The following TPRG1 variants were observed in gnomAD, a reference collection of about 807,000 sequenced individuals.
TPRG1 encodes the protein tumor protein p63-regulated gene 1 protein.
TPRG1 carries 29 observed loss-of-function variants against 29.3 expected under a neutral mutation model. The observed-to-expected ratio is 0.99, with a 90% confidence interval of 0.74 to 1.35. The LOEUF is 1.35. TPRG1 is among the 40% of genes most tolerant of loss of function. The pLI is 0.00. For missense variants in TPRG1, 327 were observed against 335.0 expected (o/e 0.98, Z 0.19); for synonymous variants, 130 against 116.8 (o/e 1.11, Z -0.73).
At chr3:189,178,480 C>T (rs964489129) in intron 1 of TPRG1, among the ~76,000 whole-genome samples, 1 of 152,206 alleles carries the variant, frequency 6.6e-6, no homozygotes, top group Non-Finnish European at 1.5e-5. Flanking sequence ...GATCACGCCA[C>T]TGCACTCCAG....
chr3:189,157,579 T>C (rs1726861101), intron 5 of TPRG1, among the ~76,000 whole-genome samples: 1 of 152,190 alleles, frequency 6.6e-6, no homozygotes. Context: ...GTTTGCCTAA[T>C]GATGCTTTTG....
At chr3:189,143,724 T>TGAAAACA (rs1317108414) in intron 3 of TPRG1, among the ~76,000 whole-genome samples, 4 of 152,200 alleles carry the variant, frequency 2.6e-5, no homozygotes, top group Admixed American at 2.6e-4. Context: ...GACACTGATT[T>TGAAAACA]CATAACATGT....
intron 4 of TPRG1, among the ~76,000 whole-genome samples, chr3:189,241,726 C>T (rs1740631770): frequency 6.6e-6 from 1 of 152,050 alleles, no homozygotes; most frequent in Admixed American, 6.6e-5. Flanking sequence ...CTTTCCAGTG[C>T]TATTCTTGTG....
At chr3:189,033,369 C>T (rs1714050718) in intron 4 of TPRG1, among the ~76,000 whole-genome samples, 1 of 151,822 alleles carries the variant, frequency 6.6e-6, no homozygotes, top group South Asian at 2.1e-4. Context: ...GCAACTTCTG[C>T]CTCTCAGGCT....
At chr3:189,298,067 T>C (rs1218209950) in intron 4 of TPRG1, among the ~76,000 whole-genome samples, 1 of 152,182 alleles carries the variant, frequency 6.6e-6, no homozygotes, top group Non-Finnish European at 1.5e-5. Flanking sequence ...AAAGCAATAT[T>C]ATTGCAACAC....
chr3:189,283,029 T>A (rs1231186891), intron 4 of TPRG1, among the ~76,000 whole-genome samples: 1 of 152,214 alleles, frequency 6.6e-6, no homozygotes, highest in Non-Finnish European at 1.5e-5. Flanking sequence ...GTTCTTTTTT[T>A]ATTATCATTA....
At chr3:189,204,974 CACAT>C (rs1271515628) in intron 1 of TPRG1, among the ~76,000 whole-genome samples, 9 of 151,532 alleles carry the variant, frequency 5.9e-5, no homozygotes, top group African/African-American at 1.9e-4. Context: ...CACACACACA[CACAT>C]ACACTCTTTC....
intron 4 of TPRG1, among the ~76,000 whole-genome samples, chr3:189,273,130 A>G (rs1046438529): frequency 4.6e-5 from 7 of 152,178 alleles, no homozygotes; most frequent in Non-Finnish European, 8.8e-5. Flanking sequence ...CTCCTCTTGA[A>G]GCTGTCACTT....
In TPRG1 at chr3:189,324,678, A is replaced by G. The variant is rs2108511817; in HGVS notation, c.*3858A>G. On this transcript the variant is annotated 3_prime_UTR_variant, in exon 6 of 6. Transcript: ENST00000345063. Reference sequence around the variant, plus strand: ...GAGAGGGGGAGGGCAAAGGTATTAAATTTAGGCTTAAAAGCTCCTCAGAAA... The same window carrying G: ...GAGAGGGGGAGGGCAAAGGTATTAAGTTTAGGCTTAAAAGCTCCTCAGAAA... 6.6e-6 allele frequency: 1 copy of G among 152,304 alleles called. No individual in the cohort carries two copies. The highest frequency in any genetic ancestry group is 3.4e-3 in the Middle Eastern group (1 of 294). 9.4% of individuals were successfully genotyped at this position (152,304 alleles called of 1,614,324 possible).
chr3:189,273,775 A>G (rs559495446), intron 4 of TPRG1, among the ~76,000 whole-genome samples: 31 of 151,958 alleles, frequency 2.0e-4, no homozygotes, highest in African/African-American at 6.0e-4. Context: ...GTCTCACTCT[A>G]CCCCTCTTCC....
chr3:189,017,977 C>T lies in TPRG1; in HGVS notation c.-659-5773C>T, dbSNP rs1346540332. Among the ~76,000 whole-genome samples the T allele has an allele frequency of 4.0e-5, 6 of 150,930 alleles. No homozygotes were observed. The South Asian group carries it at 1.3e-3, about 32-fold the overall frequency. On this transcript the variant is annotated intron_variant, in intron 3 of 10. Coordinates refer to the TPRG1 transcript ENST00000433971. Reference sequence around the variant, plus strand: ...GTTTTGATTTGCATTTCTCTGATGGCCAGTGATGGTGAGCATTTTTTCATG... The same window carrying T: ...GTTTTGATTTGCATTTCTCTGATGGTCAGTGATGGTGAGCATTTTTTCATG...
At chr3:189,255,487 T>A (rs1054596573) in intron 4 of TPRG1, among the ~76,000 whole-genome samples, 2 of 152,220 alleles carry the variant, frequency 1.3e-5, no homozygotes, top group Non-Finnish European at 2.9e-5. Context: ...AAATTTTCTT[T>A]TTTTCTTGTG....
chr3:189,009,471 C>A (rs898794487), intron 3 of TPRG1, among the ~76,000 whole-genome samples: 2 of 152,054 alleles, frequency 1.3e-5, no homozygotes, highest in Non-Finnish European at 2.9e-5. Context: ...TTAAGGAGGG[C>A]CTGCGAAATT....
At chr3:189,059,968 T>C (rs902225451) in intron 4 of TPRG1, among the ~76,000 whole-genome samples, 1 of 152,126 alleles carries the variant, frequency 6.6e-6, no homozygotes, top group Admixed American at 6.5e-5. Context: ...TGTGGTGGCT[T>C]ACGCCTGTAA....
At chr3:189,225,003 C>T (rs564249247) in intron 3 of TPRG1, among the ~76,000 whole-genome samples, 125 of 150,476 alleles carry the variant, frequency 8.3e-4, no homozygotes, top group African/African-American at 3.0e-3. Context: ...GTGATCTCAG[C>T]TCACTGCAAG....
chr3:189,072,897 G>A (rs567723135), intron 4 of TPRG1, among the ~76,000 whole-genome samples: 2 of 151,852 alleles, frequency 1.3e-5, no homozygotes, highest in African/African-American at 4.8e-5. Flanking sequence ...TACTCACATC[G>A]TCCCAGATAT....
intron 5 of TPRG1, among the ~76,000 whole-genome samples, chr3:189,158,932 T>C (rs1294666201): frequency 6.6e-6 from 1 of 151,706 alleles, no homozygotes; most frequent in Non-Finnish European, 1.5e-5. Flanking sequence ...TTTTTTGTTT[T>C]TTTTTGTTTT....
chr3:189,232,754 G>A (rs1178863907), intron 3 of TPRG1, among the ~76,000 whole-genome samples: 1 of 152,130 alleles, frequency 6.6e-6, no homozygotes, highest in African/African-American at 2.4e-5. Flanking sequence ...TGTTTACTTT[G>A]AGAGTCCTCT....
rs564675283 is a variant in TPRG1 at position 189,176,677 on chromosome 3, A to C, written c.-10+4546A>C. 6.6e-5 allele frequency among the ~76,000 whole-genome samples: 10 copies of C among 152,346 alleles called. No homozygotes were observed. In the East Asian group the frequency reaches 1.9e-3, roughly 29 times the overall value. ...AAGGATATGAAGGAGTCAGCGAGGCACTAATTGGTGAAAGAGTATTCCAGG... is the reference window on the plus strand; with the variant it reads ...AAGGATATGAAGGAGTCAGCGAGGCCCTAATTGGTGAAAGAGTATTCCAGG... On this transcript the variant is annotated intron_variant, in intron 1 of 5. Transcript: ENST00000345063.
Sources: gnomAD v4.1 joint callset for allele counts (sites outside exome capture counted in the v4.1 genomes callset) on GRCh38, gnomAD v4.1.1 for gene constraint, MANE v1.5 for transcripts, NCBI Gene and HGNC (gene_info 2026-07-23, HGNC 2026-07-21) for gene names.